The following SNX31 variants were observed in gnomAD, a reference collection of about 807,000 sequenced individuals.
SNX31 encodes the protein sorting nexin-31.
SNX31 carries 58 observed loss-of-function variants against 65.4 expected under a neutral mutation model. That is an observed-to-expected ratio of 0.89 (90% confidence interval 0.72 to 1.10). The LOEUF (loss-of-function observed/expected upper bound fraction) is 1.10. Among genes scored for constraint, SNX31 ranks in the 50% least tolerant of loss-of-function variants. The pLI, the probability that SNX31 is intolerant of heterozygous loss-of-function variation, is 0.00. For missense variants in SNX31, 523 were observed against 529.7 expected, an observed-to-expected ratio of 0.99 and a Z score of 0.12; for synonymous variants, 181 against 190.1, an observed-to-expected ratio of 0.95 and a Z score of 0.39.
Position 100,609,790 on chromosome 8 carries a change from C to A in SNX31, c.612-1227G>T, listed in dbSNP as rs1816538433. On this transcript the variant is annotated intron_variant, in intron 7 of 13. Transcript: ENST00000311812. This position sits in a 1 kb window ranked among gnomAD's most constrained non-coding sequence, Gnocchi z 4.9. ...TCCAGGTAACTATGCACCCACACAT[C>A]CCAGAGGCCCCTGTGTGCAGAGAAT... Among the ~76,000 whole-genome samples, 1 of 152,180 alleles carries A rather than the reference C, an allele frequency of 6.6e-6. No individual in the cohort carries two copies. The highest frequency in any genetic ancestry group is 2.1e-4 in the South Asian group (1 of 4,834).
At chr8:100,607,985 G>A (rs1044245071) in intron 8 of SNX31, among the ~76,000 whole-genome samples, 1 of 152,206 alleles carries the variant, frequency 6.6e-6, no homozygotes, top group East Asian at 1.9e-4. Flanking sequence ...GGGCAAGAAG[G>A]CTATGCTAGA....
chr8:100,618,119 T>C, intron 4 of SNX31: 1 of 985,344 alleles, frequency 1.0e-6, no homozygotes, highest in Non-Finnish European at 1.2e-6. Context: ...ATCCACAGCT[T>C]CCTTTTTTGG....
chr8:100,640,314 C>T (rs1339473091), intron 2 of SNX31, among the ~76,000 whole-genome samples: 5 of 152,088 alleles, frequency 3.3e-5, no homozygotes, highest in Non-Finnish European at 5.9e-5. Flanking sequence ...TTAGTAGAGA[C>T]GGGGTTTCTC....
rs1054169524 is a variant in SNX31, at chr8:100,594,733, C to T, written c.978+1906G>A. The stretch of plus-strand genomic sequence containing the variant: ...GATGTAGCCATTCTCAAAAACAATT[C>T]GGCAGTTTCTTTAAAAAGTAAACAT... On this transcript the variant is annotated intron_variant, in intron 10 of 13. Transcript: ENST00000311812. The surrounding 1 kb of genome is among the most constrained non-coding windows in gnomAD (Gnocchi z 4.0). Among the ~76,000 whole-genome samples, 16 of 152,166 alleles carry T rather than the reference C, an allele frequency of 1.1e-4. No individual in the cohort carries two copies. The highest frequency in any genetic ancestry group is 1.5e-4 in the Non-Finnish European group (10 of 68,022).
chr8:100,661,124 G>C (rs1357381643), intron 1 of SNX31, among the ~76,000 whole-genome samples: 1 of 151,386 alleles, frequency 6.6e-6, no homozygotes, highest in African/African-American at 2.4e-5. Context: ...TCCTGCCTCA[G>C]CCTCCCGAGT....
At chr8:100,623,399 T>C (rs1260021189) in intron 4 of SNX31, among the ~76,000 whole-genome samples, 1 of 152,150 alleles carries the variant, frequency 6.6e-6, no homozygotes, top group Admixed American at 6.5e-5. Context: ...AACATGGGAT[T>C]TGGGGGAGAA....
rs562936342 is a variant in SNX31 at position 100,610,112 on chromosome 8, G to A, written c.612-1549C>T. Reference sequence around the variant, plus strand: ...GACCTGATCCTCAGCTCTGACAATAGAAGTGGAACCTCCTTTCTTCCCAGT... The same window carrying A: ...GACCTGATCCTCAGCTCTGACAATAAAAGTGGAACCTCCTTTCTTCCCAGT... On this transcript the variant is annotated intron_variant, in intron 7 of 13. Coordinates refer to ENST00000311812, the MANE Select transcript of SNX31 (RefSeq NM_152628.4). This position sits in a 1 kb window ranked among gnomAD's most constrained non-coding sequence, Gnocchi z 4.0. 1.3e-5 allele frequency among the ~76,000 whole-genome samples: 2 copies of A among 152,338 alleles called. No individual in the cohort carries two copies. The highest frequency in any genetic ancestry group is 4.8e-5 in the African/African-American group (2 of 41,580).
rs1431481642 is a variant in SNX31, at chr8:100,594,536, C to T, written c.978+2103G>A. ...AAGATATACAGATGGCAAATAAACACATGAAGATATTCAGCATCATAAGCC... is the reference window on the plus strand; with the variant it reads ...AAGATATACAGATGGCAAATAAACATATGAAGATATTCAGCATCATAAGCC... On this transcript the variant is annotated intron_variant, in intron 10 of 13. Coordinates refer to ENST00000311812, the MANE Select transcript of SNX31 (RefSeq NM_152628.4). This position sits in a 1 kb window ranked among gnomAD's most constrained non-coding sequence, Gnocchi z 4.0. Among the ~76,000 whole-genome samples the T allele has an allele frequency of 6.6e-6, 1 of 152,100 alleles. No homozygotes were observed. Among genetic ancestry groups the T allele is most frequent in the African/African-American group, 2.4e-5 (1 of 41,408 alleles).
upstream of SNX31, among the ~76,000 whole-genome samples, chr8:100,654,210 A>G (rs530400669): frequency 6.6e-6 from 1 of 152,030 alleles, no homozygotes; most frequent in East Asian, 1.9e-4. Flanking sequence ...TGTTTTGCCC[A>G]TGTTGCCCAG....
rs138957348 is a variant in SNX31, at chr8:100,617,647, T to C, written c.405A>G (p.Thr135=). The change falls in exon 5 of 14, where the codon ACA becomes ACG. Residue 135 remains threonine (T), a synonymous_variant. Coordinates refer to ENST00000311812, the MANE Select transcript of SNX31 (RefSeq NM_152628.4). ...CTAGGACTCTTTCAGCAGTGTCTGA[T>C]GTTATAATTTCGATTCTAATACTCT... ...NEQSIRIEII[T]SDTAERVLEV... is the part of the protein sequence containing the mutation. The C allele has an allele frequency of 3.0e-4, 482 of 1,612,906 alleles. 1 individual carries two copies. Among genetic ancestry groups the C allele is most frequent in the Middle Eastern group, 2.5e-3 (15 of 6,056 alleles).
At chr8:100,657,005 C>T (rs1820063048) in intron 1 of SNX31, among the ~76,000 whole-genome samples, 1 of 152,204 alleles carries the variant, frequency 6.6e-6, no homozygotes, top group Admixed American at 6.5e-5. Flanking sequence ...AAGCATTCGA[C>T]AGTCATCACC....
intron 2 of SNX31, among the ~76,000 whole-genome samples, chr8:100,640,639 C>G (rs1429346106): frequency 6.6e-6 from 1 of 152,202 alleles, no homozygotes; most frequent in Non-Finnish European, 1.5e-5. Context: ...AGTAGGTACT[C>G]TTGATACGAT....
chr8:100,657,368 C>T (rs1408217344), intron 1 of SNX31, among the ~76,000 whole-genome samples: 1 of 151,338 alleles, frequency 6.6e-6, no homozygotes, highest in Non-Finnish European at 1.5e-5. Context: ...AGGAGAATTG[C>T]TTGAACCTGG....
At chr8:100,580,153 CT>C (rs1174969481) in intron 12 of SNX31, among the ~76,000 whole-genome samples, 1 of 93,740 alleles carries the variant, frequency 1.1e-5, no homozygotes. Flanking sequence ...CAGAGCCTGT[CT>C]TTAAAAAAAA....
intron 3 of SNX31, among the ~76,000 whole-genome samples, chr8:100,632,845 C>T (rs1818501418): frequency 6.6e-6 from 1 of 152,116 alleles, no homozygotes; most frequent in Admixed American, 6.5e-5. Flanking sequence ...GATCCTCTTG[C>T]CTCAGCTTCC....
upstream of SNX31, among the ~76,000 whole-genome samples, chr8:100,652,128 G>A (rs1459821933): frequency 1.3e-5 from 2 of 152,050 alleles, no homozygotes; most frequent in South Asian, 2.1e-4. Context: ...ACAGGCACAC[G>A]CCACAATGCC....
chr8:100,618,749 A>T, intron 4 of SNX31: 1 of 202,478 alleles, frequency 4.9e-6, no homozygotes, highest in Non-Finnish European at 1.0e-5. Context: ...CAAACGGAGG[A>T]GATGCACAGA....
rs1817774390 is a variant in SNX31 at position 100,622,613 on chromosome 8, T to C, written c.322-4883A>G. 2.0e-5 allele frequency among the ~76,000 whole-genome samples: 3 copies of C among 151,772 alleles called. No homozygotes were observed. Among genetic ancestry groups the C allele is most frequent in the African/African-American group, 7.3e-5 (3 of 41,258 alleles). Reference sequence around the variant, plus strand: ...TTGCAGTGAACTGAGATTGCACCACTGCACTCCAGCCTGGGTGACAGAGCA... The same window carrying C: ...TTGCAGTGAACTGAGATTGCACCACCGCACTCCAGCCTGGGTGACAGAGCA... On this transcript the variant is annotated intron_variant, in intron 4 of 13. Transcript: ENST00000311812. This position sits in a 1 kb window ranked among gnomAD's most constrained non-coding sequence, Gnocchi z 5.0.
chr8:100,576,492 A>C lies in SNX31; in HGVS notation c.1227+527T>G, dbSNP rs1388704133. On this transcript the variant is annotated intron_variant, in intron 13 of 13. Transcript: ENST00000311812. The surrounding 1 kb of genome is among the most constrained non-coding windows in gnomAD (Gnocchi z 4.8). ...ACCTCTCTGTGCACTAATTTCCTCA[A>C]CTTATTTATAGGGCTGTGAAGGAAT... Among the ~76,000 whole-genome samples the C allele has an allele frequency of 6.6e-6, 1 of 152,128 alleles. No individual in the cohort carries two copies. Among genetic ancestry groups the C allele is most frequent in the Non-Finnish European group, 1.5e-5 (1 of 68,034 alleles).
Sources: allele counts gnomAD v4.1 joint callset (sites outside exome capture counted in the v4.1 genomes callset), GRCh38; gene constraint gnomAD v4.1.1; non-coding constraint Gnocchi (gnomAD v3.1); transcripts MANE v1.5; gene names NCBI Gene and HGNC (gene_info 2026-07-23, HGNC 2026-07-21).